The following DIP2A variants were observed in gnomAD, a reference collection of about 807,000 sequenced individuals.
The protein encoded by DIP2A is disco-interacting protein 2 homolog A.
A neutral mutation model predicts 177.4 loss-of-function variants in DIP2A; 85 were observed. That is an observed-to-expected ratio of 0.48 (90% CI 0.40 to 0.57). The LOEUF is 0.57. Ranked by LOEUF, DIP2A falls within the 20% of genes least tolerant of loss-of-function variation. DIP2A has a pLI of 0.00. For synonymous variants in DIP2A, 886 were observed against 881.8 expected, an observed-to-expected ratio of 1.00 and a Z score of -0.08; for missense variants, 1,791 against 2,100.2, an observed-to-expected ratio of 0.85 and a Z score of 2.88.
At position 46,568,303 on chromosome 21, in the gene DIP2A, G is replaced by T. The variant is rs559395848; in HGVS notation, c.*681G>T. The T allele has an allele frequency of 6.6e-6, 1 of 152,320 alleles. No homozygotes were observed. The highest frequency in any genetic ancestry group is 1.9e-4 in the East Asian group (1 of 5,156). The allele number at this position is 152,320 out of a possible 1,614,324, so 9.4% of individuals were successfully genotyped here. ...TGGGAGGCCGAGGCGAGCAGATCAC[G>T]AGGTCAGGAGACCGAGACCATCCTG... On this transcript the variant is annotated 3_prime_UTR_variant, in exon 38 of 38. Transcript: ENST00000417564.
At chr21:46,543,511 C>G (rs905733496) in intron 18 of DIP2A, among the ~76,000 whole-genome samples, 1 of 87,558 alleles carries the variant, frequency 1.1e-5, no homozygotes, top group Non-Finnish European at 2.5e-5. Flanking sequence ...GCATGCAGCG[C>G]TCCCCCTCTG....
intron 25 of DIP2A, 41 bp from the exon 26 acceptor site, chr21:46,554,128 A>G (rs918408394): frequency 6.9e-6 from 11 of 1,594,696 alleles, no homozygotes; most frequent in Middle Eastern, 1.7e-4. Context: ...GCCCACCTGC[A>G]CGCACCAGCA....
At chr21:46,488,351 G>C (rs950486720) in intron 2 of DIP2A, among the ~76,000 whole-genome samples, 2 of 152,146 alleles carry the variant, frequency 1.3e-5, no homozygotes, top group African/African-American at 2.4e-5. Context: ...GGCAAGATAG[G>C]AGACCTGGGA....
chr21:46,508,653 A>G (rs2058144960), intron 6 of DIP2A, among the ~76,000 whole-genome samples: 1 of 151,826 alleles, frequency 6.6e-6, no homozygotes, highest in East Asian at 2.0e-4. Flanking sequence ...ACTTCTTAAC[A>G]TTACCATGGA....
intron 8 of DIP2A, among the ~76,000 whole-genome samples, chr21:46,521,604 A>C (rs1047874068): frequency 1.3e-5 from 2 of 152,244 alleles, no homozygotes; most frequent in East Asian, 3.8e-4. Flanking sequence ...CTTGTAGACA[A>C]ATCTATTCAA....
At chr21:46,486,809 T>C (rs1334678642) in intron 2 of DIP2A, among the ~76,000 whole-genome samples, 2 of 152,210 alleles carry the variant, frequency 1.3e-5, no homozygotes, top group Non-Finnish European at 2.9e-5. Context: ...TTGCACCTTA[T>C]TCTCTTGTAC....
intron 1 of DIP2A, among the ~76,000 whole-genome samples, chr21:46,472,797 C>T (rs2055505218): frequency 1.3e-5 from 2 of 152,122 alleles, no homozygotes; most frequent in South Asian, 2.1e-4. Context: ...CTCCCTGTAG[C>T]TGGTTGGGTG....
rs534658161 is a variant in DIP2A, at chr21:46,498,926, G to A, written c.655+93G>A. ...CAGATGGAGGGCACCTGAGCCAGGC[G>A]CCACCCTGCAGACTTAGCTGCAGGC... is the stretch of plus-strand genomic sequence containing the variant. On this transcript the variant is annotated intron_variant, in intron 5 of 37. Transcript: ENST00000417564. The surrounding 1 kb of genome is among the most constrained non-coding windows in gnomAD (Gnocchi z 4.3). The A allele has an allele frequency of 1.9e-5, 28 of 1,447,434 alleles. No homozygotes were observed. The South Asian group carries it at 2.9e-4, about 15-fold the overall frequency. 89.7% of individuals were successfully genotyped at this position (1,447,434 alleles called of 1,614,324 possible).
intron 5 of DIP2A, among the ~76,000 whole-genome samples, chr21:46,503,117 G>A (rs769780612): frequency 9.2e-5 from 14 of 152,204 alleles, no homozygotes; most frequent in Non-Finnish European, 1.8e-4. Flanking sequence ...GAGTCCAGGA[G>A]TTCAAGACCA....
chr21:46,495,238 T>TTTCC (rs2057268481), intron 3 of DIP2A, among the ~76,000 whole-genome samples: 1 of 57,316 alleles, frequency 1.7e-5, no homozygotes, highest in Admixed American at 1.6e-4. Context: ...TCTTCTCTTC[T>TTTCC]CTTCTTTCTC....
At chr21:46,540,422 T>C (rs1046512634) in intron 17 of DIP2A, among the ~76,000 whole-genome samples, 1 of 152,132 alleles carries the variant, frequency 6.6e-6, no homozygotes, top group Non-Finnish European at 1.5e-5. Context: ...GCTGCTCCTG[T>C]GGCGGTTTCC....
In DIP2A at chr21:46,556,799, C is replaced by T. The variant is rs1409321363; in HGVS notation, c.3499-140C>T. On this transcript the variant is annotated intron_variant, in intron 29 of 37. Transcript: ENST00000417564. The surrounding 1 kb of genome is among the most constrained non-coding windows in gnomAD (Gnocchi z 4.5). Reference sequence around the variant, plus strand: ...AGGTTATATGGGGATTTGAGCCAACCGTCTTTTAAGGAAATAAATATGATG... The same window carrying T: ...AGGTTATATGGGGATTTGAGCCAACTGTCTTTTAAGGAAATAAATATGATG... 1.8e-5 allele frequency: 13 copies of T among 742,662 alleles called. No homozygotes were observed. Among genetic ancestry groups the T allele is most frequent in the South Asian group, 1.0e-4 (4 of 40,076 alleles). The allele number at this position is 742,662 out of a possible 1,614,324, so 46.0% of individuals were successfully genotyped here. A position where few individuals can be genotyped will look rare whatever the true frequency, so the allele number is the denominator to read the frequency against.
chr21:46,541,917 G>T, intron 18 of DIP2A, 22 bp downstream of exon 18: 1 of 1,613,776 alleles, frequency 6.2e-7, no homozygotes, highest in Non-Finnish European at 8.5e-7. Context: ...AACCAGAGTG[G>T]GTCTTTGTCC....
intron 8 of DIP2A, among the ~76,000 whole-genome samples, chr21:46,518,874 A>T (rs1314363601): frequency 6.6e-6 from 1 of 152,274 alleles, no homozygotes; most frequent in Non-Finnish European, 1.5e-5. Context: ...ATATGTAAAT[A>T]AAATGAAAAC....
chr21:46,540,871 C>T (rs1039823379), intron 17 of DIP2A, among the ~76,000 whole-genome samples: 3 of 151,908 alleles, frequency 2.0e-5, no homozygotes, highest in African/African-American at 4.8e-5. Flanking sequence ...AAAAATTAGC[C>T]AGGCGTGGTG....
chr21:46,475,372 T>C (rs570414465), intron 1 of DIP2A, among the ~76,000 whole-genome samples: 5 of 152,366 alleles, frequency 3.3e-5, no homozygotes, highest in Non-Finnish European at 7.3e-5. Flanking sequence ...TTGTTACCTT[T>C]CACTGACATT....
intron 18 of DIP2A, among the ~76,000 whole-genome samples, chr21:46,542,470 A>G (rs532100674): frequency 1.3e-5 from 2 of 152,362 alleles, no homozygotes; most frequent in South Asian, 2.1e-4. Context: ...TAGAAGCCTC[A>G]TGGAAGCTTC....
the DIP2A span, among the ~76,000 whole-genome samples, chr21:46,582,000 C>T: frequency 6.6e-6 from 1 of 152,184 alleles, no homozygotes; most frequent in Non-Finnish European, 1.5e-5. Context: ...AGGGACTCCT[C>T]TTTGTCCAAA....
rs372825909 is a variant in DIP2A, at chr21:46,567,463, C to T, written c.4557C>T (p.Asn1519=). Residue 1519 remains asparagine (N), a synonymous_variant, in exon 38 of 38, where the codon AAC becomes AAT. Coordinates refer to ENST00000417564, the MANE Select transcript of DIP2A (RefSeq NM_015151.4). ...TGGACCTGGTGGCCCTGGTGACCAA[C>T]GTGGTGCTGGAGGAGCACTACCTGG... is the stretch of plus-strand genomic sequence containing the variant. ...DALDLVALVT[N]VVLEEHYLVV... 9 of 1,613,786 alleles carry T rather than the reference C, an allele frequency of 5.6e-6. No homozygotes were observed. Among genetic ancestry groups the T allele is most frequent in the South Asian group, 3.3e-5 (3 of 91,060 alleles).
Sources: allele counts gnomAD v4.1 joint callset (sites outside exome capture counted in the v4.1 genomes callset), GRCh38; gene constraint gnomAD v4.1.1; non-coding constraint Gnocchi (gnomAD v3.1); transcripts MANE v1.5; gene names NCBI Gene and HGNC (gene_info 2026-07-23, HGNC 2026-07-21).